INTS7: variants seen among roughly 807,000 people sequenced by gnomAD.
The protein encoded by INTS7 is chromosome 1 open reading frame 73.
In INTS7, 46 loss-of-function variants were observed where a neutral mutation model predicts 109.2. The observed-to-expected ratio is 0.42, with a 90% confidence interval of 0.33 to 0.54. The LOEUF (loss-of-function observed/expected upper bound fraction) is 0.54. Ranked by LOEUF, INTS7 falls within the 20% of genes least tolerant of loss-of-function variation. INTS7 has a pLI of 0.07. For missense variants in INTS7, 929 were observed against 1,132.4 expected (o/e 0.82, Z 2.58); for synonymous variants, 412 against 402.9 (o/e 1.02, Z -0.27).
At chr1:211,944,427 AG>A (rs1558018914) in intron 19 of INTS7, among the ~76,000 whole-genome samples, 1 of 152,202 alleles carries the variant, frequency 6.6e-6, no homozygotes, top group Non-Finnish European at 1.5e-5. Flanking sequence ...TAAATTTTAT[AG>A]GGGCAGGCTC....
At chr1:211,960,490 A>C (rs1558026994) in intron 16 of INTS7, among the ~76,000 whole-genome samples, 1 of 152,206 alleles carries the variant, frequency 6.6e-6, no homozygotes, top group Non-Finnish European at 1.5e-5. Flanking sequence ...AAATCAGAGT[A>C]TGGATGGGAA....
chr1:212,000,876 T>A (rs1665636582), intron 7 of INTS7, among the ~76,000 whole-genome samples: 1 of 152,180 alleles, frequency 6.6e-6, no homozygotes, highest in Non-Finnish European at 1.5e-5. Flanking sequence ...AGAGAAAGCC[T>A]ATCTACTTCT....
intron 4 of INTS7, among the ~76,000 whole-genome samples, chr1:212,015,571 G>C (rs1263811575): frequency 6.6e-6 from 1 of 151,828 alleles, no homozygotes; most frequent in East Asian, 1.9e-4. Flanking sequence ...AAACACTGAG[G>C]AAGGCCGCAG....
chr1:211,996,941 T>G (rs1476647408), intron 7 of INTS7, among the ~76,000 whole-genome samples: 1 of 152,056 alleles, frequency 6.6e-6, no homozygotes, highest in African/African-American at 2.4e-5. Context: ...TGAGGATCGC[T>G]TAAGCCTGGG....
intron 5 of INTS7, among the ~76,000 whole-genome samples, chr1:212,010,647 C>T (rs1184748850): frequency 6.6e-6 from 1 of 152,124 alleles, no homozygotes; most frequent in Non-Finnish European, 1.5e-5. Context: ...CTTCATAGAC[C>T]CTGTAGTCAT....
intron 16 of INTS7, among the ~76,000 whole-genome samples, chr1:211,960,555 AG>A (rs1558027060): frequency 1.3e-5 from 2 of 152,232 alleles, no homozygotes; most frequent in Non-Finnish European, 2.9e-5. Flanking sequence ...GAAGCTAAGA[AG>A]CACAATAAAA....
At chr1:212,025,492 A>C (rs1218058355) in intron 1 of INTS7, 2 of 152,068 alleles carry the variant, frequency 1.3e-5, no homozygotes, top group African/African-American at 4.8e-5. Flanking sequence ...ATTAAAAAAA[A>C]AACCCAACCA....
At position 211,975,279 on chromosome 1, in the gene INTS7, ACTCCTTCAAACT is replaced by A; in HGVS notation, c.1690_1701del (p.Ser564_Glu567del). 1 of 1,613,500 alleles carries A rather than the reference ACTCCTTCAAACT, an allele frequency of 6.2e-7. No individual in the cohort carries two copies. The highest frequency in any genetic ancestry group is 8.5e-7 in the Non-Finnish European group (1 of 1,179,756). On this transcript the variant is annotated inframe_deletion, in exon 13 of 20. Coordinates refer to ENST00000366994, the MANE Select transcript of INTS7 (RefSeq NM_015434.4). ...GTGAGACACTGTTCTGCATGTGAAA[ACTCCTTCAAACT>A]ATTTAGCCAGAAGTAGAAATGTTCT...
intron 16 of INTS7, among the ~76,000 whole-genome samples, chr1:211,957,380 T>C (rs993791148): frequency 2.6e-5 from 4 of 152,108 alleles, no homozygotes; most frequent in African/African-American, 9.7e-5. Context: ...ACCCTGACTC[T>C]ACTAAAAATA....
intron 9 of INTS7, among the ~76,000 whole-genome samples, chr1:211,981,945 G>A (rs75479737): frequency 0.059 from 8,878 of 151,394 alleles, 291 homozygotes; most frequent in Non-Finnish European, 0.073. Flanking sequence ...GAGTGCAGGA[G>A]CTTGGCAAAC....
intron 13 of INTS7, among the ~76,000 whole-genome samples, chr1:211,971,984 G>A (rs1185170291): frequency 6.6e-6 from 1 of 151,330 alleles, no homozygotes; most frequent in Non-Finnish European, 1.5e-5. Context: ...AAAGGCAATG[G>A]AACAGTAAAC....
At chr1:211,994,941 G>A (rs1665314618) in intron 7 of INTS7, among the ~76,000 whole-genome samples, 1 of 151,702 alleles carries the variant, frequency 6.6e-6, no homozygotes, top group African/African-American at 2.4e-5. Context: ...AAAGCTCAAT[G>A]CAAATATTAT....
At chr1:212,035,234 A>G (rs1571930099) in intron 1 of INTS7, 110 bp downstream of exon 1, 1 of 756,172 alleles carries the variant, frequency 1.3e-6, no homozygotes, top group African/African-American at 1.7e-5. Flanking sequence ...CTCCCCGCCC[A>G]GCGAAGACAT....
At chr1:212,015,398 T>C (rs1666378770) in intron 4 of INTS7, among the ~76,000 whole-genome samples, 1 of 152,158 alleles carries the variant, frequency 6.6e-6, no homozygotes, top group African/African-American at 2.4e-5. Flanking sequence ...TGTTAATCTA[T>C]AACCTTACCC....
At chr1:211,970,909 G>A (rs12132812) in intron 13 of INTS7, among the ~76,000 whole-genome samples, 10,392 of 152,232 alleles carry the variant, frequency 0.068, 447 homozygotes, top group Admixed American at 0.13. Context: ...ATATCTTACA[G>A]CAATATCTCT....
In INTS7 at chr1:212,020,011, A is replaced by T. The variant is rs74399092; in HGVS notation, c.371+111T>A. 1,887 of 761,652 alleles carry T rather than the reference A, an allele frequency of 2.5e-3. 27 individuals carry two copies. The African/African-American group carries it at 0.031, about 13-fold the overall frequency. The allele number at this position is 761,652 out of a possible 1,614,324, so 47.2% of individuals were successfully genotyped here. A position where few individuals can be genotyped will look rare whatever the true frequency, so the allele number is the denominator to read the frequency against. ...TTTTGCCTTGACTCTTAGTCAAAAA[A>T]ACATAAACAACTCCTAATACTCAAA... On this transcript the variant is annotated intron_variant, in intron 3 of 19. Transcript: ENST00000366994.
chr1:212,027,520 G>A (rs1003221510), intron 1 of INTS7, among the ~76,000 whole-genome samples: 1 of 152,084 alleles, frequency 6.6e-6, no homozygotes, highest in Non-Finnish European at 1.5e-5. Flanking sequence ...TCTGTGCCTG[G>A]ACTTAAACAG....
intron 11 of INTS7, among the ~76,000 whole-genome samples, chr1:211,977,887 T>C (rs1363179931): frequency 1.3e-5 from 2 of 152,072 alleles, no homozygotes; most frequent in Non-Finnish European, 2.9e-5. Flanking sequence ...TTAACTTCTA[T>C]TTTCTAAAGT....
rs138628923 is a variant in INTS7 at position 212,005,837 on chromosome 1, C to T, written c.879+802G>A. On this transcript the variant is annotated intron_variant, in intron 7 of 19. Coordinates refer to ENST00000366994, the MANE Select transcript of INTS7 (RefSeq NM_015434.4). ...TATCTATTAAATGCAGATTTAACAA[C>T]TGCCCTTATCTTGGGATATCTGTGA... Among the ~76,000 whole-genome samples, 819 of 152,270 alleles carry T rather than the reference C, an allele frequency of 5.4e-3. 4 individuals are homozygous for T. The highest frequency in any genetic ancestry group is 0.019 in the African/African-American group (776 of 41,552).
Sources: gnomAD v4.1 joint callset for allele counts (sites outside exome capture counted in the v4.1 genomes callset) on GRCh38, gnomAD v4.1.1 for gene constraint, MANE v1.5 for transcripts, NCBI Gene and HGNC (gene_info 2026-07-23, HGNC 2026-07-21) for gene names.